Variants in CD2AP observed in about 807,000 individuals in gnomAD.
The protein encoded by CD2AP is CD2 associated protein.
In CD2AP, 46 loss-of-function variants were observed where a neutral mutation model predicts 85.1. That is an observed-to-expected ratio of 0.54 (90% confidence interval 0.43 to 0.69). CD2AP has a LOEUF of 0.69. Ranked by LOEUF, CD2AP falls within the 30% of genes least tolerant of loss-of-function variation. The pLI is 0.00. For synonymous variants in CD2AP, 255 were observed against 252.9 expected, an observed-to-expected ratio of 1.01 and a Z score of -0.08; for missense variants, 769 against 729.5, an observed-to-expected ratio of 1.05 and a Z score of -0.62.
intron 1 of CD2AP, among the ~76,000 whole-genome samples, chr6:47,488,543 T>C (rs1296462439): frequency 6.6e-6 from 1 of 152,150 alleles, no homozygotes; most frequent in Non-Finnish European, 1.5e-5. Flanking sequence ...TTTTTTCTTA[T>C]ATATGAAAGA....
In CD2AP at chr6:47,625,047, C is replaced by T. The variant is rs1182142525; in HGVS notation, c.*820C>T. Reference sequence around the variant, plus strand: ...AGAATCTAAAACTGTTAATTTAACCCTTAACTTGTGCCTAGAAACTACAGC... The same window carrying T: ...AGAATCTAAAACTGTTAATTTAACCTTTAACTTGTGCCTAGAAACTACAGC... On this transcript the variant is annotated 3_prime_UTR_variant, in exon 18 of 18. Coordinates refer to ENST00000359314, the MANE Select transcript of CD2AP (RefSeq NM_012120.3). The T allele has an allele frequency of 2.0e-5, 3 of 151,780 alleles. No homozygotes were observed. Among genetic ancestry groups the T allele is most frequent in the Non-Finnish European group, 4.4e-5 (3 of 67,782 alleles). 9.4% of individuals were successfully genotyped at this position (151,780 alleles called of 1,614,324 possible).
At chr6:47,487,009 G>A (rs1336147312) in intron 1 of CD2AP, among the ~76,000 whole-genome samples, 1 of 152,150 alleles carries the variant, frequency 6.6e-6, no homozygotes, top group African/African-American at 2.4e-5. Context: ...ACGTTCTCCT[G>A]AGATCCAAGT....
chr6:47,489,131 C>T (rs1765654087), intron 1 of CD2AP: 3 of 147,968 alleles, frequency 2.0e-5, no homozygotes, highest in African/African-American at 7.5e-5. Flanking sequence ...CTTTTTTCTA[C>T]TCTTCCCTGC....
At chr6:47,562,628 G>C (rs1322661915) in intron 5 of CD2AP, 3 of 474,402 alleles carry the variant, frequency 6.3e-6, no homozygotes, top group African/African-American at 5.7e-5. Flanking sequence ...GGTAGAAGAG[G>C]GTATTGTTGC....
At chr6:47,559,279 A>T (rs745366835) in intron 5 of CD2AP, among the ~76,000 whole-genome samples, 10 of 146,536 alleles carry the variant, frequency 6.8e-5, no homozygotes, top group Non-Finnish European at 1.2e-4. Context: ...TTTTTTTAAC[A>T]GGCAGGGTTT....
intron 1 of CD2AP, among the ~76,000 whole-genome samples, chr6:47,488,324 T>C (rs1460355865): frequency 6.6e-6 from 1 of 152,106 alleles, no homozygotes; most frequent in Non-Finnish European, 1.5e-5. Flanking sequence ...TATAAAATCT[T>C]TAAGGTAGGT....
intron 2 of CD2AP, among the ~76,000 whole-genome samples, chr6:47,507,307 G>T (rs2113987508): frequency 6.6e-6 from 1 of 152,234 alleles, no homozygotes; most frequent in African/African-American, 2.4e-5. Context: ...GTTTCTTCCA[G>T]ACTCCCATTA....
At chr6:47,606,352 A>G in intron 14 of CD2AP, 75 bp downstream of exon 14, 2 of 868,492 alleles carry the variant, frequency 2.3e-6, no homozygotes, top group Non-Finnish European at 3.9e-6. Flanking sequence ...GAGGACTTAT[A>G]GCTCTACCTA....
intron 17 of CD2AP, among the ~76,000 whole-genome samples, chr6:47,618,675 G>A (rs1450803885): frequency 6.6e-6 from 1 of 152,128 alleles, no homozygotes; most frequent in East Asian, 1.9e-4. Context: ...GTGAAAATAA[G>A]ATAATGAGAC....
At chr6:47,555,978 A>C (rs920342261) in intron 5 of CD2AP, among the ~76,000 whole-genome samples, 1 of 151,964 alleles carries the variant, frequency 6.6e-6, no homozygotes, top group Admixed American at 6.6e-5. Flanking sequence ...GTAGGAAAAC[A>C]TAAAGTTGGT....
rs1356352190 is a variant in CD2AP, at chr6:47,614,777, C to T, written c.1878+2241C>T. Among the ~76,000 whole-genome samples, 3 of 152,092 alleles carry T rather than the reference C, an allele frequency of 2.0e-5. No homozygotes were observed. The South Asian group carries it at 6.2e-4, about 32-fold the overall frequency. On this transcript the variant is annotated intron_variant, in intron 17 of 17. Transcript: ENST00000359314. Reference sequence around the variant, plus strand: ...ACGAAGTACAATAAAAAGAGGTATCCCTGTAGTTCTCTCTTCTGTGCAGTT... The same window carrying T: ...ACGAAGTACAATAAAAAGAGGTATCTCTGTAGTTCTCTCTTCTGTGCAGTT...
intron 8 of CD2AP, among the ~76,000 whole-genome samples, chr6:47,578,744 C>T (rs750450204): frequency 1.2e-4 from 18 of 149,640 alleles, no homozygotes; most frequent in Non-Finnish European, 2.5e-4. Flanking sequence ...GCAGCCTCTG[C>T]CTCCCGAGTT....
Position 47,612,430 on chromosome 6 carries a change from A to G in CD2AP, c.1815-43A>G, listed in dbSNP as rs1769470193. Reference sequence around the variant, plus strand: ...CCTGTAAACATTAGTCAAATAAATTATTTAATCGAAAGACTTAACAGTAAT... The same window carrying G: ...CCTGTAAACATTAGTCAAATAAATTGTTTAATCGAAAGACTTAACAGTAAT... On this transcript the variant is annotated intron_variant, in intron 16 of 17. Coordinates refer to ENST00000359314, the MANE Select transcript of CD2AP (RefSeq NM_012120.3). 2.9e-6 allele frequency: 4 copies of G among 1,365,336 alleles called. No individual in the cohort carries two copies. The East Asian group carries it at 9.3e-5, about 32-fold the overall frequency. The allele number at this position is 1,365,336 out of a possible 1,614,324, so 84.6% of individuals were successfully genotyped here.
chr6:47,567,432 A>T (rs1367011171), intron 5 of CD2AP, among the ~76,000 whole-genome samples: 4 of 152,168 alleles, frequency 2.6e-5, no homozygotes, highest in Non-Finnish European at 5.9e-5. Flanking sequence ...TATTGTACAA[A>T]GTCCTGGGAA....
chr6:47,601,137 T>G (rs939378603), intron 13 of CD2AP, among the ~76,000 whole-genome samples: 2 of 151,894 alleles, frequency 1.3e-5, no homozygotes, highest in African/African-American at 4.8e-5. Flanking sequence ...CTAGTAAAAA[T>G]AATATATGTA....
chr6:47,560,768 C>A (rs1050728323), intron 5 of CD2AP, among the ~76,000 whole-genome samples: 1 of 152,032 alleles, frequency 6.6e-6, no homozygotes, highest in Non-Finnish European at 1.5e-5. Context: ...TTTCTTCTTA[C>A]AATAAGTGTT....
At chr6:47,574,934 A>G (rs1768265446) in intron 6 of CD2AP, among the ~76,000 whole-genome samples, 2 of 152,196 alleles carry the variant, frequency 1.3e-5, no homozygotes, top group Non-Finnish European at 2.9e-5. Context: ...TTTAACTCTG[A>G]AGAAATTATA....
At chr6:47,530,957 T>C (rs1446032139) in intron 2 of CD2AP, among the ~76,000 whole-genome samples, 1 of 152,186 alleles carries the variant, frequency 6.6e-6, no homozygotes, top group Non-Finnish European at 1.5e-5. Flanking sequence ...TAACTGAACG[T>C]TATTTTAAAA....
At chr6:47,579,165 CA>C (rs1768394877) in intron 8 of CD2AP, among the ~76,000 whole-genome samples, 1 of 151,792 alleles carries the variant, frequency 6.6e-6, no homozygotes, top group African/African-American at 2.4e-5. Context: ...TTTGGGAGAC[CA>C]AATCAAGAGG....
Sources: gnomAD v4.1 joint callset for allele counts (sites outside exome capture counted in the v4.1 genomes callset) on GRCh38, gnomAD v4.1.1 for gene constraint, MANE v1.5 for transcripts, NCBI Gene and HGNC (gene_info 2026-07-23, HGNC 2026-07-21) for gene names.